DAAM2: variants seen among roughly 807,000 people sequenced by gnomAD.
DAAM2 encodes dishevelled associated activator of morphogenesis 2.
DAAM2 carries 39 observed loss-of-function variants against 120.7 expected under a neutral mutation model. The observed-to-expected ratio is 0.32, with a 90% CI of 0.25 to 0.42. The LOEUF is 0.42. Ranked by LOEUF, DAAM2 falls within the 10% of genes least tolerant of loss-of-function variation. DAAM2 has a pLI of 1.00. For synonymous variants in DAAM2, 488 were observed against 524.9 expected (o/e 0.93, Z 0.96); for missense variants, 1,283 against 1,401.7 (o/e 0.92, Z 1.35).
At chr6:39,869,004 T>G in intron 7 of DAAM2, 71 bp downstream of exon 7, 1 of 1,129,722 alleles carries the variant, frequency 8.9e-7, no homozygotes, top group Middle Eastern at 2.0e-4. Context: ...GTGAGTGTGT[T>G]GCTTCCCCAA....
intron 10 of DAAM2, 139 bp downstream of exon 10, chr6:39,873,494 C>G: frequency 1.5e-6 from 1 of 645,574 alleles, no homozygotes. Context: ...GAGGGCAGGC[C>G]CCATGACGGA....
intron 15 of DAAM2, chr6:39,884,626 GCTGGGC>G (rs59294248): frequency 0.56 from 85,192 of 153,056 alleles, 24,203 homozygotes; most frequent in East Asian, 0.78. Context: ...TGAGGCTGGG[GCTGGGC>G]CTGGGCCTGG....
chr6:39,809,742 G>T (rs1022251005), intron 1 of DAAM2, among the ~76,000 whole-genome samples: 1 of 152,104 alleles, frequency 6.6e-6, no homozygotes, highest in Non-Finnish European at 1.5e-5. Context: ...TTTTTCCATG[G>T]TATACCCCAC....
chr6:39,843,879 G>A (rs1763458716), intron 1 of DAAM2, among the ~76,000 whole-genome samples: 1 of 152,166 alleles, frequency 6.6e-6, no homozygotes, highest in South Asian at 2.1e-4. Flanking sequence ...TGCTGTGGCT[G>A]TGGGGATGCG....
chr6:39,839,024 TC>T (rs1299822855), intron 1 of DAAM2, among the ~76,000 whole-genome samples: 2 of 151,810 alleles, frequency 1.3e-5, no homozygotes, highest in South Asian at 2.1e-4. Context: ...ACCCTAGTGG[TC>T]CCCCCTCTCT....
chr6:39,853,426 G>T (rs1021122633), intron 1 of DAAM2, among the ~76,000 whole-genome samples: 2 of 152,202 alleles, frequency 1.3e-5, no homozygotes, highest in Non-Finnish European at 2.9e-5. Context: ...TCTCTTGGGG[G>T]ATGGTACTTC....
Position 39,891,687 on chromosome 6 carries a change from A to G in DAAM2, c.2306A>G (p.Gln769Arg). 6.2e-7 allele frequency: 1 copy of G among 1,609,092 alleles called. No individual in the cohort carries two copies. The highest frequency in any genetic ancestry group is 8.5e-7 in the Non-Finnish European group (1 of 1,177,736). ...GCCCTCTTCTTCAAGAAGAAATTCC[A>G]GGAGCGGCTGGCTGAGGCAAAGCCC... ...LQALFFKKKFQERLAEAKPKV... is the reference protein window; with the variant it reads ...LQALFFKKKFRERLAEAKPKV... Residue 769 changes from glutamine to arginine, a missense_variant, in exon 19 of 25, where the codon CAG (glutamine) becomes CGG (arginine). By Grantham distance (43) the Gln-to-Arg change is conservative. Coordinates refer to ENST00000274867, the MANE Select transcript of DAAM2 (RefSeq NM_001201427.2).
At chr6:39,796,619 CAAAAA>C (rs58885455) in intron 1 of DAAM2, among the ~76,000 whole-genome samples, 37,712 of 109,706 alleles carry the variant, frequency 0.34, 5,845 homozygotes, top group Admixed American at 0.44. Flanking sequence ...GGTCCCCCTC[CAAAAA>C]AAAAAAAAAA....
chr6:39,825,965 G>A (rs1269906852), intron 1 of DAAM2, among the ~76,000 whole-genome samples: 2 of 152,222 alleles, frequency 1.3e-5, no homozygotes, highest in Non-Finnish European at 2.9e-5. Flanking sequence ...ATGGGAAATG[G>A]GAATGAGGTT....
At chr6:39,794,749 A>G (rs1761649936) in intron 1 of DAAM2, among the ~76,000 whole-genome samples, 1 of 152,204 alleles carries the variant, frequency 6.6e-6, no homozygotes, top group South Asian at 2.1e-4. Flanking sequence ...ATGAAGATAA[A>G]GGGTAAGTAC....
intron 1 of DAAM2, among the ~76,000 whole-genome samples, chr6:39,800,423 A>G (rs925795319): frequency 6.6e-6 from 1 of 152,300 alleles, no homozygotes; most frequent in Admixed American, 6.5e-5. Flanking sequence ...TGCGGGAAAC[A>G]TAGCAGGATG....
chr6:39,899,229 A>G lies in DAAM2; in HGVS notation c.2679+292A>G, dbSNP rs3736828. Among the ~76,000 whole-genome samples, 36 of 152,340 alleles carry G rather than the reference A, an allele frequency of 2.4e-4. 1 individual carries two copies. In the East Asian group the frequency reaches 5.6e-3, roughly 24 times the overall value. ...CATTGGATTCAAGTGCATGGGAAAAAGAATCCTCATCCCTTGACTGCCAGC... is the reference window on the plus strand; with the variant it reads ...CATTGGATTCAAGTGCATGGGAAAAGGAATCCTCATCCCTTGACTGCCAGC... On this transcript the variant is annotated intron_variant, in intron 22 of 24. Coordinates refer to ENST00000274867, the MANE Select transcript of DAAM2 (RefSeq NM_001201427.2).
chr6:39,871,319 A>C (rs1184753167), intron 8 of DAAM2, among the ~76,000 whole-genome samples, 187 bp from the exon 9 acceptor site: 1 of 152,178 alleles, frequency 6.6e-6, no homozygotes, highest in African/African-American at 2.4e-5. Flanking sequence ...AAGGAAGGTC[A>C]TGGGATCTTA....
intron 1 of DAAM2, among the ~76,000 whole-genome samples, chr6:39,812,436 G>C (rs1762190366): frequency 6.6e-6 from 1 of 152,094 alleles, no homozygotes; most frequent in Admixed American, 6.5e-5. Context: ...TGGCACAGAG[G>C]GGATTCCAAG....
At chr6:39,867,069 T>C (rs1253832039) in intron 5 of DAAM2, among the ~76,000 whole-genome samples, 1 of 152,244 alleles carries the variant, frequency 6.6e-6, no homozygotes. Context: ...ATAACTCTGC[T>C]ATTTTCTTTA....
At chr6:39,879,693 C>A in intron 14 of DAAM2, 1 of 631,468 alleles carries the variant, frequency 1.6e-6, no homozygotes, top group Non-Finnish European at 2.8e-6. Flanking sequence ...TTGGGCAATG[C>A]TGACGTTGAC....
intron 1 of DAAM2, among the ~76,000 whole-genome samples, chr6:39,836,922 C>A (rs1440972801): frequency 4.6e-5 from 7 of 152,194 alleles, no homozygotes; most frequent in Admixed American, 4.6e-4. Context: ...GCCCTGGTTT[C>A]TGGTTTCCAA....
chr6:39,823,340 G>A (rs1333925846), intron 1 of DAAM2: 2 of 152,456 alleles, frequency 1.3e-5, no homozygotes, highest in Non-Finnish European at 2.9e-5. Context: ...AGGAGTTCAG[G>A]TTGGGGCAAA....
At chr6:39,811,878 T>A (rs1762172541) in intron 1 of DAAM2, among the ~76,000 whole-genome samples, 1 of 152,166 alleles carries the variant, frequency 6.6e-6, no homozygotes, top group Admixed American at 6.5e-5. Flanking sequence ...GTTTGCCTAA[T>A]GTTTACTGAG....
Sources: gnomAD v4.1 joint callset for allele counts (sites outside exome capture counted in the v4.1 genomes callset) on GRCh38, gnomAD v4.1.1 for gene constraint, MANE v1.5 for transcripts, NCBI Gene and HGNC (gene_info 2026-07-23, HGNC 2026-07-21) for gene names.